The following ANKRD6 variants were observed in gnomAD, a reference collection of about 807,000 sequenced individuals.
ANKRD6 encodes the protein ankyrin repeat domain-containing protein 6.
A neutral mutation model predicts 82.3 loss-of-function variants in ANKRD6; 56 were observed. The observed-to-expected ratio is 0.68, with a 90% CI of 0.55 to 0.85. The LOEUF (loss-of-function observed/expected upper bound fraction) is 0.85, where lower values mean the gene tolerates loss of function less well. Among genes scored for constraint, ANKRD6 ranks in the 40% least tolerant of loss-of-function variants. The pLI, the probability that ANKRD6 is intolerant of heterozygous loss-of-function variation, is 0.00. For synonymous variants in ANKRD6, 347 were observed against 352.1 expected (o/e 0.99, Z 0.16); for missense variants, 852 against 907.6 (o/e 0.94, Z 0.79).
chr6:89,578,374 T>C (rs1389495046), intron 2 of ANKRD6, among the ~76,000 whole-genome samples: 2 of 135,702 alleles, frequency 1.5e-5, no homozygotes, highest in Admixed American at 1.7e-4. Flanking sequence ...CGGCTCACTG[T>C]AACCTCCACC....
chr6:89,619,291 C>G (rs1234172159), intron 9 of ANKRD6, among the ~76,000 whole-genome samples: 1 of 152,124 alleles, frequency 6.6e-6, no homozygotes, highest in Non-Finnish European at 1.5e-5. Flanking sequence ...GCTAGTCTCT[C>G]ATGGATCTAA....
In ANKRD6 at chr6:89,631,124, C is replaced by G; in HGVS notation, c.*120C>G. The G allele has an allele frequency of 2.9e-6, 4 of 1,402,972 alleles. No homozygotes were observed. Among genetic ancestry groups the G allele is most frequent in the Non-Finnish European group, 3.7e-6 (4 of 1,081,506 alleles). The allele number at this position is 1,402,972 out of a possible 1,614,324, so 86.9% of individuals were successfully genotyped here. A position where few individuals can be genotyped will look rare whatever the true frequency, so the allele number is the denominator to read the frequency against. On this transcript the variant is annotated 3_prime_UTR_variant, in exon 16 of 16. Coordinates refer to ENST00000339746, the MANE Select transcript of ANKRD6 (RefSeq NM_001242809.2). Reference sequence around the variant, plus strand: ...TGCAGATTTGCCTTTTTAAAAAAATCACTAATTCTACAATGTGCCAGATAC... The same window carrying G: ...TGCAGATTTGCCTTTTTAAAAAAATGACTAATTCTACAATGTGCCAGATAC...
At chr6:89,468,338 T>C (rs1775072378) in intron 1 of ANKRD6, among the ~76,000 whole-genome samples, 1 of 152,204 alleles carries the variant, frequency 6.6e-6, no homozygotes, top group Non-Finnish European at 1.5e-5. Flanking sequence ...TGTGTAAAAT[T>C]TGTATCAATC....
intron 1 of ANKRD6, among the ~76,000 whole-genome samples, chr6:89,536,188 C>T (rs754556305): frequency 1.3e-5 from 2 of 152,216 alleles, no homozygotes; most frequent in Non-Finnish European, 2.9e-5. Flanking sequence ...CGAGATCGCA[C>T]CAATGCACTC....
At chr6:89,482,155 A>G (rs1057003530) in intron 1 of ANKRD6, among the ~76,000 whole-genome samples, 1 of 152,226 alleles carries the variant, frequency 6.6e-6, no homozygotes. Context: ...TGAAATATTT[A>G]TAACATTCAA....
chr6:89,627,764 C>A (rs1806203781), intron 14 of ANKRD6, 68 bp downstream of exon 14: 3 of 1,445,582 alleles, frequency 2.1e-6, no homozygotes, highest in Non-Finnish European at 2.9e-6. Context: ...CTCAGGCAGG[C>A]CTGCCACTGA....
At chr6:89,448,008 A>G (rs185880638) in intron 1 of ANKRD6, among the ~76,000 whole-genome samples, 1 of 152,276 alleles carries the variant, frequency 6.6e-6, no homozygotes, top group African/African-American at 2.4e-5. Flanking sequence ...TTTCATAGCT[A>G]GAAAAGACAA....
chr6:89,459,147 C>T (rs1191014552), intron 1 of ANKRD6, among the ~76,000 whole-genome samples: 2 of 152,124 alleles, frequency 1.3e-5, no homozygotes, highest in Admixed American at 6.5e-5. Flanking sequence ...GATGTGATCT[C>T]GGCTCACTGC....
chr6:89,578,331 T>C (rs1345462255), intron 2 of ANKRD6, among the ~76,000 whole-genome samples: 1 of 139,166 alleles, frequency 7.2e-6, no homozygotes, highest in Non-Finnish European at 1.5e-5. Flanking sequence ...AGTCTCACTC[T>C]TTTGCTTAGG....
intron 1 of ANKRD6, among the ~76,000 whole-genome samples, chr6:89,501,546 C>A (rs978684483): frequency 6.6e-6 from 1 of 152,216 alleles, no homozygotes; most frequent in Non-Finnish European, 1.5e-5. Context: ...CACAGCGTGG[C>A]TTTTACTCTC....
chr6:89,603,213 T>C (rs987211763), intron 4 of ANKRD6, 86 bp downstream of exon 4: 31 of 1,154,196 alleles, frequency 2.7e-5, no homozygotes, highest in Middle Eastern at 2.0e-4. Flanking sequence ...CTGGAAACTT[T>C]TGAGTCCTCG....
chr6:89,434,321 C>CAA (rs1770351398), intron 1 of ANKRD6, among the ~76,000 whole-genome samples: 1 of 152,196 alleles, frequency 6.6e-6, no homozygotes, highest in Non-Finnish European at 1.5e-5. Flanking sequence ...TTTTGCGAAC[C>CAA]TGTTGGATGT....
intron 1 of ANKRD6, among the ~76,000 whole-genome samples, chr6:89,474,154 G>C (rs763184807): frequency 6.6e-6 from 1 of 151,398 alleles, no homozygotes; most frequent in African/African-American, 2.4e-5. Flanking sequence ...AACTTACTGG[G>C]TCTTGTTCAG....
At chr6:89,448,839 G>A (rs1772428715) in intron 1 of ANKRD6, among the ~76,000 whole-genome samples, 2 of 151,928 alleles carry the variant, frequency 1.3e-5, no homozygotes, top group African/African-American at 4.8e-5. Flanking sequence ...GACCATCTTG[G>A]CTAACACGGT....
chr6:89,449,869 C>A (rs1003223188), intron 1 of ANKRD6, among the ~76,000 whole-genome samples: 1 of 152,022 alleles, frequency 6.6e-6, no homozygotes, highest in Non-Finnish European at 1.5e-5. Context: ...GAATCTATCT[C>A]GGGTGAAGAT....
intron 2 of ANKRD6, among the ~76,000 whole-genome samples, chr6:89,587,517 T>A (rs1794019069): frequency 6.6e-6 from 1 of 152,094 alleles, no homozygotes; most frequent in Non-Finnish European, 1.5e-5. Context: ...AATTCTCTTA[T>A]CAATTAAACC....
chr6:89,503,334 G>A (rs1453841337), intron 1 of ANKRD6, among the ~76,000 whole-genome samples: 1 of 152,172 alleles, frequency 6.6e-6, no homozygotes, highest in Non-Finnish European at 1.5e-5. Context: ...CCTCTCTTGG[G>A]CAGAGAGGAC....
chr6:89,616,864 C>T (rs1027357253), intron 8 of ANKRD6: 1 of 674,434 alleles, frequency 1.5e-6, no homozygotes, highest in Non-Finnish European at 2.7e-6. Flanking sequence ...GCCTTGGGGC[C>T]TGCTTTTAGC....
chr6:89,602,991 G>T (rs1357053910), intron 3 of ANKRD6, 38 bp from the exon 4 acceptor site: 4 of 1,532,322 alleles, frequency 2.6e-6, no homozygotes, highest in Non-Finnish European at 3.6e-6. Context: ...GGGTGCAGGG[G>T]AGCTGACTGC....
Sources: allele counts gnomAD v4.1 joint callset (sites outside exome capture counted in the v4.1 genomes callset), GRCh38; gene constraint gnomAD v4.1.1; transcripts MANE v1.5; gene names NCBI Gene and HGNC (gene_info 2026-07-23, HGNC 2026-07-21).